The following LMX1B variants were observed in gnomAD, a reference collection of about 807,000 sequenced individuals.
LMX1B encodes the protein LIM homeobox transcription factor 1 beta, also known as LIM homeobox transcription factor 1-beta.
In LMX1B, 12 loss-of-function variants were observed where a neutral mutation model predicts 51.4. The ratio of observed to expected loss-of-function variants is 0.23; its 90% CI spans 0.15 to 0.38. The LOEUF (loss-of-function observed/expected upper bound fraction) is 0.38, where lower values mean the gene tolerates loss of function less well. Ranked by LOEUF, LMX1B falls within the 10% of genes least tolerant of loss-of-function variation. The pLI is 1.00. For missense variants in LMX1B, 445 were observed against 571.1 expected (o/e 0.78, Z 2.25); for synonymous variants, 237 against 235.4 (o/e 1.01, Z -0.06).
In LMX1B at chr9:126,615,427, C is replaced by A. The variant is rs371293980; in HGVS notation, c.184C>A (p.Pro62Thr). The A allele has an allele frequency of 1.9e-6, 3 of 1,608,340 alleles. No homozygotes were observed. The highest frequency in any genetic ancestry group is 1.3e-5 in the African/African-American group (1 of 74,254). Residue 62 changes from proline (P) to threonine (T), a missense_variant, in exon 2 of 8, where the codon CCC (proline) becomes ACC (threonine). By Grantham distance (38) the Pro-to-Thr change is conservative. This residue lies in a region of LMX1B where 273 missense variants were observed against 343.3 expected (regional missense o/e 0.80). Transcript: ENST00000373474. This position sits in a 1 kb window ranked among gnomAD's most constrained non-coding sequence, Gnocchi z 6.0. ...HPAVCEGCQR[P>T]ISDRFLMRVN... ...CGCCGTCTGCGAGGGCTGCCAGCGGCCCATCTCCGACCGCTTCCTGATGCG... is the reference window on the plus strand; with the variant it reads ...CGCCGTCTGCGAGGGCTGCCAGCGGACCATCTCCGACCGCTTCCTGATGCG...
intron 2 of LMX1B, among the ~76,000 whole-genome samples, chr9:126,633,971 C>T (rs564051860): frequency 6.6e-5 from 10 of 152,184 alleles, no homozygotes; most frequent in African/African-American, 2.4e-4. Context: ...TCCGAGATGC[C>T]TCATTCCCCC....
chr9:126,675,809 G>A (rs1175951253), intron 2 of LMX1B, among the ~76,000 whole-genome samples: 1 of 150,928 alleles, frequency 6.6e-6, no homozygotes, highest in African/African-American at 2.4e-5. Flanking sequence ...CAGCACTTTG[G>A]GAGGCCGAGG....
At chr9:126,693,100 GC>G (rs755139877) in intron 3 of LMX1B, 41 bp from the exon 4 acceptor site, 20 of 1,539,302 alleles carry the variant, frequency 1.3e-5, no homozygotes, top group Non-Finnish European at 1.3e-5. Context: ...GGCCTGGGCT[GC>G]CCCCGCCCCT....
At chr9:126,648,908 C>T (rs1052352959) in intron 2 of LMX1B, among the ~76,000 whole-genome samples, 3 of 152,130 alleles carry the variant, frequency 2.0e-5, no homozygotes, top group Non-Finnish European at 2.9e-5. Context: ...GAGCTCCACC[C>T]GGATCAGGCC....
rs891209250 is a variant in LMX1B at position 126,641,006 on chromosome 9, C to T, written c.326+25437C>T. ...TGGGGAAAAGGAGTTGAGAGAGACT[C>T]CAGAAGCACTTCCAAGTGACCTGCC... On this transcript the variant is annotated intron_variant, in intron 2 of 7. Coordinates refer to ENST00000373474, the MANE Select transcript of LMX1B (RefSeq NM_001174147.2). This position sits in a 1 kb window ranked among gnomAD's most constrained non-coding sequence, Gnocchi z 4.1. 6.6e-6 allele frequency: 1 copy of T among 152,302 alleles called. No individual in the cohort carries two copies. Among genetic ancestry groups the T allele is most frequent in the Non-Finnish European group, 1.5e-5 (1 of 68,118 alleles). 9.4% of individuals were successfully genotyped at this position (152,302 alleles called of 1,614,324 possible). A position where few individuals can be genotyped will look rare whatever the true frequency, so the allele number is the denominator to read the frequency against.
chr9:126,694,997 G>A (rs1201527508), intron 6 of LMX1B, among the ~76,000 whole-genome samples: 1 of 152,058 alleles, frequency 6.6e-6, no homozygotes, highest in African/African-American at 2.4e-5. Context: ...CGCCCTGTCC[G>A]AGCCAGGAAC....
At chr9:126,640,849 G>A (rs993386533) in intron 2 of LMX1B, 2 of 152,308 alleles carry the variant, frequency 1.3e-5, no homozygotes, top group African/African-American at 2.4e-5. Flanking sequence ...CCGCAGGCTG[G>A]GTGGCCAGCC....
At chr9:126,665,956 A>G (rs952438383) in intron 2 of LMX1B, among the ~76,000 whole-genome samples, 1 of 152,228 alleles carries the variant, frequency 6.6e-6, no homozygotes, top group Non-Finnish European at 1.5e-5. Context: ...AGAGGCTGAG[A>G]TGTGCTGGTG....
intron 2 of LMX1B, among the ~76,000 whole-genome samples, chr9:126,631,233 C>A (rs755892693): frequency 6.6e-6 from 1 of 152,250 alleles, no homozygotes; most frequent in Non-Finnish European, 1.5e-5. Context: ...CATGCCCTTA[C>A]GGCTGCAGAG....
chr9:126,693,513 C>T lies in LMX1B; in HGVS notation c.742-11C>T, dbSNP rs1210258780. On this transcript the variant is annotated splice_polypyrimidine_tract_variant and intron_variant, in intron 4 of 7. Transcript: ENST00000373474. The stretch of plus-strand genomic sequence containing the variant: ...TGGAGGGCCTGACCTGTTCCCCTCT[C>T]TCTGAGCCAGGTCCGAGAGACACTG... 6.2e-7 allele frequency: 1 copy of T among 1,613,850 alleles called. No homozygotes were observed. The highest frequency in any genetic ancestry group is 8.5e-7 in the Non-Finnish European group (1 of 1,179,900).
At chr9:126,619,664 C>T (rs1000061474) in intron 2 of LMX1B, among the ~76,000 whole-genome samples, 2 of 152,240 alleles carry the variant, frequency 1.3e-5, no homozygotes, top group Non-Finnish European at 2.9e-5. Context: ...AACCCCGGCA[C>T]CTTGGCTGTG....
rs755012584 is a variant in LMX1B at position 126,695,909 on chromosome 9, C to A, written c.957C>A (p.Ile319=). 6.2e-7 allele frequency: 1 copy of A among 1,613,402 alleles called. No homozygotes were observed. Among genetic ancestry groups the A allele is most frequent in the South Asian group, 1.1e-5 (1 of 91,066 alleles). ...CGCTGGCCCCACCACAGCAGCAGAT[C>A]GTGGCCATGGAACAGAGCCCCTACG... The part of the protein sequence containing the change: ...YTPLAPPQQQ[I]VAMEQSPYGS... The change falls in exon 7 of 8, where the codon ATC becomes ATA. Residue 319 remains isoleucine, a synonymous_variant. Coordinates refer to ENST00000373474, the MANE Select transcript of LMX1B (RefSeq NM_001174147.2). This position sits in a 1 kb window ranked among gnomAD's most constrained non-coding sequence, Gnocchi z 5.2.
chr9:126,694,394 G>A (rs1435873688), intron 6 of LMX1B, among the ~76,000 whole-genome samples: 2 of 152,186 alleles, frequency 1.3e-5, no homozygotes, highest in East Asian at 1.9e-4. Context: ...CCCCACTGCC[G>A]GAATTCTGCA....
intron 6 of LMX1B, among the ~76,000 whole-genome samples, chr9:126,694,528 C>T (rs574501312): frequency 1.3e-5 from 2 of 152,330 alleles, no homozygotes; most frequent in South Asian, 4.1e-4. Context: ...GAATCTTGAG[C>T]CAGGGCTGGT....
intron 2 of LMX1B, among the ~76,000 whole-genome samples, chr9:126,669,839 C>T (rs533987689): frequency 1.9e-4 from 29 of 152,096 alleles, no homozygotes; most frequent in Admixed American, 7.9e-4. Context: ...CTGGGCAGTC[C>T]GCTCCTCTGC....
At chr9:126,681,137 T>C (rs1246742779) in intron 2 of LMX1B, among the ~76,000 whole-genome samples, 1 of 152,190 alleles carries the variant, frequency 6.6e-6, no homozygotes, top group East Asian at 1.9e-4. Flanking sequence ...ACACGGCTGC[T>C]CACCCTGTAG....
intron 2 of LMX1B, among the ~76,000 whole-genome samples, chr9:126,667,641 T>C (rs980114429): frequency 7.2e-5 from 11 of 152,062 alleles, no homozygotes; most frequent in Admixed American, 2.6e-4. Context: ...CTTTTGACAT[T>C]AAGTGACACT....
chr9:126,689,747 G>A (rs1022597165), intron 2 of LMX1B, among the ~76,000 whole-genome samples: 6 of 152,254 alleles, frequency 3.9e-5, no homozygotes, highest in Admixed American at 1.3e-4. Context: ...ATGGAATCAC[G>A]TTGTCATGTG....
chr9:126,685,439 G>A (rs1172915382), intron 2 of LMX1B, among the ~76,000 whole-genome samples: 1 of 152,208 alleles, frequency 6.6e-6, no homozygotes, highest in Non-Finnish European at 1.5e-5. Context: ...ACTTCATGAG[G>A]AGGCAAGACC....
Sources: gnomAD v4.1 joint callset for allele counts (sites outside exome capture counted in the v4.1 genomes callset) on GRCh38, gnomAD v4.1.1 for gene constraint, gnomAD v4.1.1 regional missense constraint, Gnocchi (gnomAD v3.1) non-coding constraint, MANE v1.5 for transcripts, NCBI Gene and HGNC (gene_info 2026-07-23, HGNC 2026-07-21) for gene names.